The following SEMA5A variants were observed in gnomAD, a reference collection of about 807,000 sequenced individuals.
The protein encoded by SEMA5A is semaphorin-5A.
SEMA5A carries 55 observed loss-of-function variants against 135.5 expected under a neutral mutation model. That is an observed-to-expected ratio of 0.41 (90% CI 0.33 to 0.51). The LOEUF (loss-of-function observed/expected upper bound fraction) is 0.51, where lower values mean the gene tolerates loss of function less well. Ranked by LOEUF, SEMA5A falls within the 20% of genes least tolerant of loss-of-function variation. The probability of loss-of-function intolerance (pLI) is 0.37; values close to 1 mark genes in which losing one functional copy is unlikely to be tolerated. For synonymous variants in SEMA5A, 580 were observed against 546.5 expected (o/e 1.06, Z -0.85); for missense variants, 1,290 against 1,419.9 (o/e 0.91, Z 1.47).
At chr5:9,466,711 T>C (rs1444342247) in intron 1 of SEMA5A, among the ~76,000 whole-genome samples, 1 of 152,246 alleles carries the variant, frequency 6.6e-6, no homozygotes, top group East Asian at 1.9e-4. Flanking sequence ...TTATCATAAA[T>C]ATTTCAGAGC....
At chr5:9,400,128 G>A (rs1418588050) in intron 2 of SEMA5A, among the ~76,000 whole-genome samples, 3 of 152,182 alleles carry the variant, frequency 2.0e-5, no homozygotes, top group East Asian at 1.9e-4. Flanking sequence ...TGGACACAGC[G>A]AGGGGAACAT....
In SEMA5A at chr5:9,336,938, C is replaced by G. The variant is rs548375065; in HGVS notation, c.224+775G>C. 9.7e-4 allele frequency among the ~76,000 whole-genome samples: 147 copies of G among 152,074 alleles called. 1 individual carries two copies. The highest frequency in any genetic ancestry group is 1.4e-3 in the Non-Finnish European group (94 of 68,014). ...GAGGAACCCAATTCTACAAATGGACCCTTTCTTAAACTTTAATGTCAATTT... is the reference window on the plus strand; with the variant it reads ...GAGGAACCCAATTCTACAAATGGACGCTTTCTTAAACTTTAATGTCAATTT... On this transcript the variant is annotated intron_variant, in intron 4 of 22. Transcript: ENST00000382496.
chr5:9,473,063 T>C (rs1759534020), intron 1 of SEMA5A, among the ~76,000 whole-genome samples: 1 of 149,120 alleles, frequency 6.7e-6, no homozygotes, highest in Admixed American at 6.7e-5. Flanking sequence ...TTCTTTTTTC[T>C]GTATTTTGTT....
intron 2 of SEMA5A, among the ~76,000 whole-genome samples, chr5:9,427,693 G>A (rs368989064): frequency 1.8e-4 from 27 of 152,180 alleles, no homozygotes; most frequent in African/African-American, 5.8e-4. Flanking sequence ...CATACTGTGC[G>A]TGTGTGTATC....
At chr5:9,184,964 G>A (rs1010224688) in intron 11 of SEMA5A, among the ~76,000 whole-genome samples, 1 of 152,010 alleles carries the variant, frequency 6.6e-6, no homozygotes, top group Non-Finnish European at 1.5e-5. Context: ...ATCTTACTCT[G>A]CTTCCCAGGC....
At chr5:9,519,301 C>T (rs549370202) in intron 1 of SEMA5A, among the ~76,000 whole-genome samples, 36 of 152,296 alleles carry the variant, frequency 2.4e-4, no homozygotes, top group African/African-American at 8.2e-4. Flanking sequence ...TGTTGGCACT[C>T]ATAACACATT....
intron 3 of SEMA5A, among the ~76,000 whole-genome samples, chr5:9,370,598 A>G (rs1755096803): frequency 6.6e-6 from 1 of 152,262 alleles, no homozygotes; most frequent in African/African-American, 2.4e-5. Flanking sequence ...TTTAGTCAAT[A>G]ATAAAAAAGA....
chr5:9,136,564 G>A lies in SEMA5A; in HGVS notation c.1539C>T (p.Cys513=). Residue 513 remains cysteine (C), a synonymous_variant, in exon 13 of 23, where the codon TGC becomes TGT. Transcript: ENST00000382496. ...YCGWDVVMKK[C]TSLEESLSMT... is the part of the protein sequence containing the mutation. ...TGCTCAGGCTCTCCTCCAGGCTTGT[G>A]CATTTCTTCATTACCACATCCCAGC... 6.2e-7 allele frequency: 1 copy of A among 1,614,164 alleles called. No individual in the cohort carries two copies. The highest frequency in any genetic ancestry group is 8.5e-7 in the Non-Finnish European group (1 of 1,180,028).
intron 8 of SEMA5A, among the ~76,000 whole-genome samples, chr5:9,224,399 A>G (rs1319468861): frequency 2.4e-4 from 2 of 8,504 alleles, no homozygotes; most frequent in South Asian, 0.01. Flanking sequence ...ACATTAAACA[A>G]CAATATAAAA....
At chr5:9,259,291 T>C (rs1749270905) in intron 5 of SEMA5A, among the ~76,000 whole-genome samples, 1 of 152,226 alleles carries the variant, frequency 6.6e-6, no homozygotes, top group South Asian at 2.1e-4. Context: ...CCCCACATGT[T>C]CACTTGAAAT....
In SEMA5A at chr5:9,071,275, T is replaced by C. The variant is rs546160927; in HGVS notation, c.2074-4629A>G. Reference sequence around the variant, plus strand: ...ACTTCTATGCCAAGTACTACAGTCATGGCTTCCTGTGTTCCTTCTGTCCTC... The same window carrying C: ...ACTTCTATGCCAAGTACTACAGTCACGGCTTCCTGTGTTCCTTCTGTCCTC... On this transcript the variant is annotated intron_variant, in intron 16 of 22. Transcript: ENST00000382496. Among the ~76,000 whole-genome samples, 5 of 152,336 alleles carry C rather than the reference T, an allele frequency of 3.3e-5. No individual in the cohort carries two copies. In the South Asian group the frequency reaches 6.2e-4, roughly 19 times the overall value.
intron 1 of SEMA5A, chr5:9,511,439 G>A (rs1205040300): frequency 1.3e-5 from 2 of 152,130 alleles, no homozygotes; most frequent in African/African-American, 2.4e-5. Context: ...ACTATCTCGA[G>A]TGGTAATTAT....
At chr5:9,161,494 TATATC>T (rs1743253760) in intron 11 of SEMA5A, among the ~76,000 whole-genome samples, 1 of 152,372 alleles carries the variant, frequency 6.6e-6, no homozygotes, top group South Asian at 2.1e-4. Flanking sequence ...AATTATGTGA[TATATC>T]ATATGTAATC....
intron 12 of SEMA5A, among the ~76,000 whole-genome samples, chr5:9,147,189 G>T (rs1274515294): frequency 6.6e-6 from 1 of 152,116 alleles, no homozygotes; most frequent in East Asian, 1.9e-4. Flanking sequence ...TTTTGATGAG[G>T]TGTTAATTTC....
intron 16 of SEMA5A, among the ~76,000 whole-genome samples, chr5:9,075,319 C>G (rs752567337): frequency 3.9e-5 from 6 of 152,254 alleles, no homozygotes; most frequent in Non-Finnish European, 8.8e-5. Context: ...CATTCCATTC[C>G]TCTATATTTA....
chr5:9,384,661 T>TAGATAG (rs1214516553), intron 2 of SEMA5A, among the ~76,000 whole-genome samples: 5 of 66,526 alleles, frequency 7.5e-5, no homozygotes, highest in East Asian at 8.0e-4. Context: ...GATAGATAGA[T>TAGATAG]ATAGATAGAT....
rs368400321 is a variant in SEMA5A at position 9,135,045 on chromosome 5, C to T, written c.1599+1459G>A. Among the ~76,000 whole-genome samples, 37 of 152,208 alleles carry T rather than the reference C, an allele frequency of 2.4e-4. No individual in the cohort carries two copies. The South Asian group carries it at 7.3e-3, about 30-fold the overall frequency. ...AATCCTACTAGGAAGCTGTCCAGAG[C>T]CTAGATGTGGTGATGCACACACTGT... is the stretch of plus-strand genomic sequence containing the variant. On this transcript the variant is annotated intron_variant, in intron 13 of 22. Coordinates refer to ENST00000382496, the MANE Select transcript of SEMA5A (RefSeq NM_003966.3).
At chr5:9,266,298 G>GCTTT (rs139269191) in intron 5 of SEMA5A, among the ~76,000 whole-genome samples, 1,562 of 152,250 alleles carry the variant, frequency 0.01, 30 homozygotes, top group African/African-American at 0.036. Context: ...GAGCTTCTGT[G>GCTTT]CTAAGTATCT....
chr5:9,206,293 C>T (rs1271953473), intron 8 of SEMA5A, among the ~76,000 whole-genome samples: 1 of 152,068 alleles, frequency 6.6e-6, no homozygotes, highest in African/African-American at 2.4e-5. Flanking sequence ...GTTTGTAAAA[C>T]ATACTGAGTT....
Sources: gnomAD v4.1 joint callset for allele counts (sites outside exome capture counted in the v4.1 genomes callset) on GRCh38, gnomAD v4.1.1 for gene constraint, MANE v1.5 for transcripts, NCBI Gene and HGNC (gene_info 2026-07-23, HGNC 2026-07-21) for gene names.